The following RAVER2 variants were observed in gnomAD, a reference collection of about 807,000 sequenced individuals.
The protein encoded by RAVER2 is ribonucleoprotein PTB-binding 2.
RAVER2 carries 46 observed loss-of-function variants against 78.1 expected under a neutral mutation model. That is an observed-to-expected ratio of 0.59 (90% confidence interval 0.46 to 0.75). The LOEUF (loss-of-function observed/expected upper bound fraction) is 0.75, where lower values mean the gene tolerates loss of function less well. RAVER2 is among the 30% of genes least tolerant of loss of function. The pLI, the probability that RAVER2 is intolerant of heterozygous loss-of-function variation, is 0.00. For missense variants in RAVER2, 793 were observed against 837.5 expected (o/e 0.95, Z 0.66); for synonymous variants, 311 against 313.3 (o/e 0.99, Z 0.08).
At position 64,829,649 on chromosome 1, in the gene RAVER2, T is replaced by A. The variant is rs182498736; in HGVS notation, c.1930-1190T>A. On this transcript the variant is annotated intron_variant, in intron 11 of 11. Coordinates refer to ENST00000294428, the Ensembl canonical transcript of RAVER2. ...GACAACTATCAACTTACGGCAGGTC[T>A]CCTTTCATCTACCCTCTCACCTGCT... Among the ~76,000 whole-genome samples, 545 of 152,258 alleles carry A rather than the reference T, an allele frequency of 3.6e-3. 4 individuals carry two copies. The highest frequency in any genetic ancestry group is 0.012 in the African/African-American group (515 of 41,540).
intron 11 of RAVER2, among the ~76,000 whole-genome samples, chr1:64,819,173 G>A (rs757112062): frequency 5.1e-4 from 77 of 152,124 alleles, no homozygotes; most frequent in Non-Finnish European, 7.1e-4. Flanking sequence ...AAGTGGAAAC[G>A]ACCCCAAGGT....
At chr1:64,760,781 G>A (rs1651998113) in intron 1 of RAVER2, among the ~76,000 whole-genome samples, 1 of 150,832 alleles carries the variant, frequency 6.6e-6, no homozygotes, top group Non-Finnish European at 1.5e-5. Context: ...CCCAAATGTT[G>A]TTCTTGGCCC....
intron 8 of RAVER2, 68 bp downstream of exon 8, chr1:64,805,173 A>G (rs1282098045): frequency 1.8e-5 from 25 of 1,408,198 alleles, no homozygotes; most frequent in Non-Finnish European, 2.5e-5. Flanking sequence ...TAGTTTACCT[A>G]TGTTCTAATT....
chr1:64,817,293 T>A (rs1310547332), intron 11 of RAVER2, among the ~76,000 whole-genome samples: 2 of 152,218 alleles, frequency 1.3e-5, no homozygotes. Context: ...GGAACACTTT[T>A]ACAGTGTTGG....
intron 9 of RAVER2, among the ~76,000 whole-genome samples, chr1:64,811,315 A>T (rs997374351): frequency 6.6e-6 from 1 of 152,200 alleles, no homozygotes; most frequent in Non-Finnish European, 1.5e-5. Flanking sequence ...TGAGCCATTC[A>T]TCTCTCCAGT....
intron 1 of RAVER2, among the ~76,000 whole-genome samples, chr1:64,764,918 A>G (rs770796363): frequency 6.6e-6 from 1 of 152,236 alleles, no homozygotes; most frequent in Non-Finnish European, 1.5e-5. Context: ...TATTAACCAC[A>G]TGTACAAAAT....
chr1:64,789,574 C>A, intron 5 of RAVER2, 60 bp downstream of exon 5: 1 of 1,305,248 alleles, frequency 7.7e-7, no homozygotes, highest in South Asian at 2.5e-5. Flanking sequence ...TTAATTTTTT[C>A]ACATGTGAAA....
chr1:64,797,936 A>G (rs1020814032), intron 5 of RAVER2, among the ~76,000 whole-genome samples: 1 of 107,858 alleles, frequency 9.3e-6, no homozygotes, highest in African/African-American at 3.6e-5. Flanking sequence ...TTTTTTTTTT[A>G]TTATACTTTA....
intron 5 of RAVER2, among the ~76,000 whole-genome samples, chr1:64,790,203 C>A (rs1652897489): frequency 6.6e-6 from 1 of 152,110 alleles, no homozygotes; most frequent in African/African-American, 2.4e-5. Context: ...TACCTGCAGT[C>A]TGAAAATATT....
At chr1:64,801,520 C>CTTT (rs201988176) in intron 5 of RAVER2, among the ~76,000 whole-genome samples, 1 of 144,846 alleles carries the variant, frequency 6.9e-6, no homozygotes, top group Non-Finnish European at 1.5e-5. Context: ...AACATCCTCC[C>CTTT]TTTTTTTTTT....
chr1:64,769,511 AG>A (rs2100824044), intron 2 of RAVER2, among the ~76,000 whole-genome samples: 1 of 152,166 alleles, frequency 6.6e-6, no homozygotes, highest in Admixed American at 6.6e-5. Flanking sequence ...TCTGAGCACA[AG>A]GTAAGATAGT....
Position 64,803,075 on chromosome 1 carries a change from A to T in RAVER2, c.1191+14A>T. 8 of 1,516,900 alleles carry T rather than the reference A, an allele frequency of 5.3e-6. No homozygotes were observed. Among genetic ancestry groups the T allele is most frequent in the Non-Finnish European group, 7.3e-6 (8 of 1,095,250 alleles). The allele number at this position is 1,516,900 out of a possible 1,614,324, so 94.0% of individuals were successfully genotyped here. A position where few individuals can be genotyped will look rare whatever the true frequency, so the allele number is the denominator to read the frequency against. On this transcript the variant is annotated intron_variant, in intron 6 of 11. Transcript: ENST00000294428. ...AAAGCACATCAGGTACATAAATAAC[A>T]TTGAGTACTGAAGCATTAAATATTC...
chr1:64,794,411 A>AC (rs1557597303), intron 5 of RAVER2, among the ~76,000 whole-genome samples: 1 of 150,728 alleles, frequency 6.6e-6, no homozygotes, highest in African/African-American at 2.4e-5. Context: ...AAAAAAAAAA[A>AC]AAAAAACTGC....
chr1:64,759,462 G>C (rs928837225), intron 1 of RAVER2, among the ~76,000 whole-genome samples: 2 of 150,330 alleles, frequency 1.3e-5, no homozygotes, highest in Non-Finnish European at 3.0e-5. Flanking sequence ...CTTGTGATCC[G>C]CCCGCCTCGG....
intron 11 of RAVER2, among the ~76,000 whole-genome samples, chr1:64,826,036 T>C (rs1653996402): frequency 6.6e-6 from 1 of 152,192 alleles, no homozygotes; most frequent in African/African-American, 2.4e-5. Flanking sequence ...CGGTGTTCAG[T>C]TTTTCCATGT....
intron 1 of RAVER2, among the ~76,000 whole-genome samples, chr1:64,765,356 C>A (rs1010095530): frequency 3.3e-5 from 5 of 152,026 alleles, no homozygotes; most frequent in Non-Finnish European, 7.4e-5. Context: ...TGGAAACAAA[C>A]CAAATAATCA....
chr1:64,796,731 C>T (rs1382147291), intron 5 of RAVER2, among the ~76,000 whole-genome samples: 2 of 151,932 alleles, frequency 1.3e-5, no homozygotes, highest in Admixed American at 6.6e-5. Flanking sequence ...TTGACTTTCT[C>T]TGGTTGTTGT....
At chr1:64,822,036 G>A (rs776785473) in intron 11 of RAVER2, among the ~76,000 whole-genome samples, 9 of 152,228 alleles carry the variant, frequency 5.9e-5, no homozygotes, top group South Asian at 2.1e-4. Flanking sequence ...GCCTGTAATC[G>A]CAGCACTTTG....
chr1:64,802,371 C>G (rs1016656732), intron 5 of RAVER2, among the ~76,000 whole-genome samples: 1 of 152,168 alleles, frequency 6.6e-6, no homozygotes, highest in Non-Finnish European at 1.5e-5. Context: ...TGACACCCCC[C>G]ACCTGCTCCC....
Sources: allele counts gnomAD v4.1 joint callset (sites outside exome capture counted in the v4.1 genomes callset), GRCh38; gene constraint gnomAD v4.1.1; transcripts MANE v1.5; gene names NCBI Gene and HGNC (gene_info 2026-07-23, HGNC 2026-07-21).